SYNE2: variants seen among roughly 807,000 people sequenced by gnomAD.
SYNE2 encodes spectrin repeat containing nuclear envelope protein 2, also known as nesprin-2.
In SYNE2, 431 loss-of-function variants were observed where a neutral mutation model predicts 856.3. That is an observed-to-expected ratio of 0.50 (90% CI 0.47 to 0.55). The LOEUF is 0.55. Ranked by LOEUF, SYNE2 falls within the 20% of genes least tolerant of loss-of-function variation. The pLI is 0.00. For missense variants in SYNE2, 8,129 were observed against 8,023.2 expected, an observed-to-expected ratio of 1.01 and a Z score of -0.50; for synonymous variants, 2,923 against 2,872.3, an observed-to-expected ratio of 1.02 and a Z score of -0.56.
At chr14:63,835,487 C>A (rs1889819172) in intron 1 of SYNE2, among the ~76,000 whole-genome samples, 1 of 152,060 alleles carries the variant, frequency 6.6e-6, no homozygotes, top group Admixed American at 6.6e-5. Context: ...CCCTCTTTGG[C>A]TTCCCAAACT....
chr14:63,775,831 G>T (rs748984354), intron 1 of SYNE2, among the ~76,000 whole-genome samples: 1 of 152,074 alleles, frequency 6.6e-6, no homozygotes, highest in Non-Finnish European at 1.5e-5. Flanking sequence ...TATTTTAGGG[G>T]AGATATAGTA....
intron 1 of SYNE2, among the ~76,000 whole-genome samples, chr14:63,860,417 G>A (rs1449802657): frequency 6.6e-6 from 1 of 152,224 alleles, no homozygotes; most frequent in African/African-American, 2.4e-5. Context: ...GAAACGTTGA[G>A]TTGAAAGATA....
intron 100 of SYNE2, among the ~76,000 whole-genome samples, chr14:64,207,432 T>G (rs1445694828): frequency 6.6e-6 from 1 of 151,422 alleles, no homozygotes. Flanking sequence ...AAAAATTAGC[T>G]GAGTATGGTG....
intron 70 of SYNE2, 118 bp from the exon 71 acceptor site, chr14:64,124,961 C>G (rs1466364076): frequency 1.3e-5 from 17 of 1,265,862 alleles, no homozygotes; most frequent in Non-Finnish European, 1.9e-5. Context: ...GGAGATCATG[C>G]CACTGCACTC....
rs777838006 is a variant in SYNE2, at chr14:64,070,630, T to C, written c.10432-15T>C. The C allele has an allele frequency of 6.2e-7, 1 of 1,607,068 alleles. No individual in the cohort carries two copies. The highest frequency in any genetic ancestry group is 1.3e-5 in the African/African-American group (1 of 74,794). ...ATATTTTACTTATTTTAGTTCTTTTTGTTTTTTGAATTAGATTGAACGAGA... is the reference window on the plus strand; with the variant it reads ...ATATTTTACTTATTTTAGTTCTTTTCGTTTTTTGAATTAGATTGAACGAGA... On this transcript the variant is annotated splice_polypyrimidine_tract_variant and intron_variant, in intron 51 of 115. Coordinates refer to ENST00000555002, the MANE Select transcript of SYNE2 (RefSeq NM_182914.3).
Position 64,138,110 on chromosome 14 carries a change from G to C in SYNE2, c.14843+127G>C, listed in dbSNP as rs187564853. 3 of 1,026,862 alleles carry C rather than the reference G, an allele frequency of 2.9e-6. No homozygotes were observed. The African/African-American group carries it at 4.8e-5, about 16-fold the overall frequency. 63.6% of individuals were successfully genotyped at this position (1,026,862 alleles called of 1,614,324 possible). A position where few individuals can be genotyped will look rare whatever the true frequency, so the allele number is the denominator to read the frequency against. ...GTTTTTTCTTGGGCAGTCTAAAGCAGTTGGGTCCCTCTTCTGGGCTAAACG... is the reference window on the plus strand; with the variant it reads ...GTTTTTTCTTGGGCAGTCTAAAGCACTTGGGTCCCTCTTCTGGGCTAAACG... On this transcript the variant is annotated intron_variant, in intron 79 of 115. Coordinates refer to ENST00000555002, the MANE Select transcript of SYNE2 (RefSeq NM_182914.3).
intron 11 of SYNE2, among the ~76,000 whole-genome samples, chr14:63,973,548 C>T (rs1033495664): frequency 5.5e-5 from 8 of 144,624 alleles, no homozygotes; most frequent in Non-Finnish European, 8.9e-5. Context: ...AGGAGAATTG[C>T]TTGAACCTGG....
At chr14:63,937,865 A>G (rs2095852420) in intron 2 of SYNE2, among the ~76,000 whole-genome samples, 1 of 152,202 alleles carries the variant, frequency 6.6e-6, no homozygotes, top group Admixed American at 6.5e-5. Context: ...ATGGATAAGA[A>G]TGAAAGGTAG....
At chr14:64,077,683 AG>A (rs2097477841) in intron 54 of SYNE2, among the ~76,000 whole-genome samples, 1 of 152,178 alleles carries the variant, frequency 6.6e-6, no homozygotes, top group South Asian at 2.1e-4. Flanking sequence ...AAAAGCATAA[AG>A]TATTATTTGG....
chr14:64,080,528 G>A lies in SYNE2; in HGVS notation c.11236G>A (p.Glu3746Lys), dbSNP rs375493985. 2 of 1,614,040 alleles carry A rather than the reference G, an allele frequency of 1.2e-6. No individual in the cohort carries two copies. The highest frequency in any genetic ancestry group is 2.7e-5 in the African/African-American group (2 of 74,912). The stretch of plus-strand genomic sequence containing the variant: ...GGATTCTGAAGTTCAGGACATTGTT[G>A]AACAGGACCCAGGACAGGCTCAAGA... ...ELDSEVQDIV[E>K]QDPGQAQEWM... is the part of the protein sequence containing the mutation. Residue 3746 changes from glutamate (E) to lysine (K), a missense_variant, in exon 56 of 116, where the codon GAA (glutamate) becomes AAA (lysine). Glu to Lys is a moderately conservative substitution (Grantham distance 56). Around this residue, in one of 3 missense-constraint regions of SYNE2, gnomAD observed 5,410 missense variants for 5,284.8 expected, o/e 1.02. Coordinates refer to ENST00000555002, the MANE Select transcript of SYNE2 (RefSeq NM_182914.3).
At chr14:64,082,929 G>T (rs1284766710) in intron 57 of SYNE2, among the ~76,000 whole-genome samples, 1 of 152,146 alleles carries the variant, frequency 6.6e-6, no homozygotes, top group Non-Finnish European at 1.5e-5. Context: ...GGCCTCGGCT[G>T]CAAAACATCT....
chr14:64,003,253 T>C lies in SYNE2; in HGVS notation c.4320T>C (p.Leu1440=). Residue 1440 remains leucine (L), a synonymous_variant, in exon 30 of 116, where the codon CTT becomes CTC. Coordinates refer to ENST00000555002, the MANE Select transcript of SYNE2 (RefSeq NM_182914.3). ...GTATTTTCAAAAATAATGAACTCCT[T>C]AAAAATATTCAAGATGTGCAGAGTC... The part of the protein sequence containing the change: ...EACIFKNNEL[L]KNIQDVQSQI... 6.2e-7 allele frequency: 1 copy of C among 1,613,898 alleles called. No homozygotes were observed. The highest frequency in any genetic ancestry group is 8.5e-7 in the Non-Finnish European group (1 of 1,179,958).
At chr14:63,878,976 C>A (rs1213991206) in intron 1 of SYNE2, among the ~76,000 whole-genome samples, 1 of 152,148 alleles carries the variant, frequency 6.6e-6, no homozygotes, top group East Asian at 1.9e-4. Context: ...CAGTGCTTTG[C>A]GAGGCTGAGG....
rs2096314516 is a variant in SYNE2, at chr14:63,961,542, C to T, written c.805C>T (p.Pro269Ser). The change falls in exon 9 of 116, where the codon CCT (proline) becomes TCT (serine). Residue 269 changes from proline (P) to serine (S), a missense_variant. Physicochemically the swap from Pro to Ser is moderately conservative, Grantham distance 74. This residue lies in a region of SYNE2 where 2,422 missense variants were observed against 2,357.4 expected (regional missense o/e 1.03). Transcript: ENST00000555002. ...TCTTGCAGATGTGGATGTTGTTGAT[C>T]CTGATGAAAAGTCCATCATGACCTA... ...LEPEDVDVVD[P>S]DEKSIMTYVA... 6.2e-7 allele frequency: 1 copy of T among 1,613,654 alleles called. No homozygotes were observed. The highest frequency in any genetic ancestry group is 1.3e-5 in the African/African-American group (1 of 74,900).
chr14:63,807,863 A>ATATATATATATATG (rs1220025483), intron 1 of SYNE2, among the ~76,000 whole-genome samples: 1 of 101,332 alleles, frequency 9.9e-6, no homozygotes, highest in Non-Finnish European at 2.0e-5. Context: ...ATATATATAT[A>ATATATATATATATG]TAATTTCAAT....
At chr14:64,007,340 G>C in intron 31 of SYNE2, 118 bp downstream of exon 31, 1 of 958,368 alleles carries the variant, frequency 1.0e-6, no homozygotes, top group South Asian at 1.3e-5. Context: ...ACAAACATAA[G>C]GATTTCCTGC....
intron 2 of SYNE2, among the ~76,000 whole-genome samples, chr14:63,922,248 T>C (rs2095609122): frequency 6.6e-6 from 1 of 152,140 alleles, no homozygotes; most frequent in Non-Finnish European, 1.5e-5. Flanking sequence ...CAAGTGAACC[T>C]CCCACCTCAG....
chr14:63,823,852 G>A (rs1304885756), intron 1 of SYNE2, among the ~76,000 whole-genome samples: 1 of 151,934 alleles, frequency 6.6e-6, no homozygotes, highest in Admixed American at 6.6e-5. Context: ...GTCCAGTCTG[G>A]TCTCAAATTC....
At chr14:63,841,610 G>C (rs1341988539) in intron 1 of SYNE2, among the ~76,000 whole-genome samples, 3 of 152,144 alleles carry the variant, frequency 2.0e-5, no homozygotes, top group Non-Finnish European at 4.4e-5. Context: ...TGCACTCTCA[G>C]CAACAACTTG....
Sources: gnomAD v4.1 joint callset for allele counts (sites outside exome capture counted in the v4.1 genomes callset) on GRCh38, gnomAD v4.1.1 for gene constraint, gnomAD v4.1.1 regional missense constraint, MANE v1.5 for transcripts, NCBI Gene and HGNC (gene_info 2026-07-23, HGNC 2026-07-21) for gene names.